Variants in SEZ6L2 observed in about 807,000 individuals in gnomAD.
SEZ6L2 encodes the protein seizure related 6 homolog like 2, also known as seizure 6-like protein 2.
A neutral mutation model predicts 97.0 loss-of-function variants in SEZ6L2; 44 were observed. The ratio of observed to expected loss-of-function variants is 0.45; its 90% CI spans 0.36 to 0.58. SEZ6L2 has a LOEUF of 0.58. Among genes scored for constraint, SEZ6L2 ranks in the 20% least tolerant of loss-of-function variants. The pLI is 0.00. For synonymous variants in SEZ6L2, 543 were observed against 546.1 expected (o/e 0.99, Z 0.08); for missense variants, 1,086 against 1,233.3 (o/e 0.88, Z 1.79).
In SEZ6L2 at chr16:29,873,546, T is replaced by C. The variant is rs1209403352; in HGVS notation, c.2288A>G (p.Lys763Arg). 1 of 1,614,026 alleles carries C rather than the reference T, an allele frequency of 6.2e-7. No homozygotes were observed. Among genetic ancestry groups the C allele is most frequent in the African/African-American group, 1.3e-5 (1 of 74,914 alleles). ...GTPKWSDRVP[K>R]CALKYEPCLN... is the part of the protein sequence containing the mutation. ...GTGTGCCCCAGACTCACAGGCGCAT[T>C]TGGGGACCCTATCGCTCCACTTGGG... Residue 763 changes from lysine (K) to arginine (R), a missense_variant, in exon 13 of 18, where the codon AAA becomes AGA. Lys to Arg is a conservative substitution (Grantham distance 26, BLOSUM62 2). Transcript: ENST00000617533. The surrounding 1 kb of genome is among the most constrained non-coding windows in gnomAD (Gnocchi z 4.3).
intron 8 of SEZ6L2, 93 bp from the exon 9 acceptor site, chr16:29,880,157 C>T (rs1156480345): frequency 1.7e-6 from 2 of 1,209,172 alleles, no homozygotes; most frequent in Non-Finnish European, 2.3e-6. Context: ...TGTTCTTTGG[C>T]CACTCACTGG....
chr16:29,872,846 C>G, intron 14 of SEZ6L2, 103 bp from the exon 15 acceptor site: 1 of 885,990 alleles, frequency 1.1e-6, no homozygotes, highest in Non-Finnish European at 1.7e-6. Context: ...GCCTGGTTCT[C>G]TCTGCCCTCT....
rs554921129 is a variant in SEZ6L2, at chr16:29,885,746, C to G, written c.1212G>C (p.Leu404=). 1 of 1,607,412 alleles carries G rather than the reference C, an allele frequency of 6.2e-7. No homozygotes were observed. The highest frequency in any genetic ancestry group is 2.2e-5 in the East Asian group (1 of 44,660). Reference sequence around the variant, plus strand: ...GGGGGCTGCCCCCTGAGCGCACCATCAGCCTGGGATGGACAGAAACGTGAC... The same window carrying G: ...GGGGGCTGCCCCCTGAGCGCACCATGAGCCTGGGATGGACAGAAACGTGAC... The part of the protein sequence containing the change: ...RVSLDEDNDR[L]MVRSGGSPLS... The change falls in exon 8 of 18, where the codon CTG becomes CTC. Residue 404 remains leucine, a synonymous_variant. Transcript: ENST00000617533.
Position 29,879,808 on chromosome 16 carries a change from C to T in SEZ6L2, c.1573+56G>A. On this transcript the variant is annotated intron_variant, in intron 9 of 17. Transcript: ENST00000617533. The stretch of plus-strand genomic sequence containing the variant: ...CTTTCTGAACGGCCTTGCTGGGATC[C>T]CCAGTTCAGGGGGCAACGTGGACTG... 4 of 1,482,002 alleles carry T rather than the reference C, an allele frequency of 2.7e-6. No individual in the cohort carries two copies. The East Asian group carries it at 9.2e-5, about 34-fold the overall frequency. 91.8% of individuals were successfully genotyped at this position (1,482,002 alleles called of 1,614,324 possible). A position where few individuals can be genotyped will look rare whatever the true frequency, so the allele number is the denominator to read the frequency against.
Position 29,872,184 on chromosome 16 carries a change from T to C in SEZ6L2, c.2742+3A>G. The C allele has an allele frequency of 6.3e-7, 1 of 1,595,104 alleles. No individual in the cohort carries two copies. ...GCTCTTCAGGGGCAGGCAAGGTGCTTACCCCAGCTTCATACAGCGGGTTGC... is the reference window on the plus strand; with the variant it reads ...GCTCTTCAGGGGCAGGCAAGGTGCTCACCCCAGCTTCATACAGCGGGTTGC... On this transcript the variant is annotated splice_donor_region_variant and intron_variant, in intron 17 of 17. Coordinates refer to ENST00000617533, the MANE Select transcript of SEZ6L2 (RefSeq NM_001243332.2).
intron 11 of SEZ6L2, 146 bp from the exon 12 acceptor site, chr16:29,877,096 G>T: frequency 9.4e-7 from 1 of 1,063,192 alleles, no homozygotes; most frequent in Non-Finnish European, 1.3e-6. Context: ...CCAGGCTGGA[G>T]TACAGTGGTA....
At position 29,876,266 on chromosome 16, in the gene SEZ6L2, T is replaced by A. The variant is rs1360148336; in HGVS notation, c.2104+490A>T. On this transcript the variant is annotated intron_variant, in intron 12 of 17. Coordinates refer to ENST00000617533, the MANE Select transcript of SEZ6L2 (RefSeq NM_001243332.2). The surrounding 1 kb of genome is among the most constrained non-coding windows in gnomAD (Gnocchi z 6.5). ...CAGCACGGGGCTTCAATGATGGCATTCAAATAAACCAAGTGCTCTGACAAG... is the reference window on the plus strand; with the variant it reads ...CAGCACGGGGCTTCAATGATGGCATACAAATAAACCAAGTGCTCTGACAAG... Among the ~76,000 whole-genome samples, 1 of 152,106 alleles carries A rather than the reference T, an allele frequency of 6.6e-6. No homozygotes were observed. Among genetic ancestry groups the A allele is most frequent in the Non-Finnish European group, 1.5e-5 (1 of 68,026 alleles).
Position 29,895,330 on chromosome 16 carries a change from G to A in SEZ6L2, c.782C>T (p.Thr261Ile), listed in dbSNP as rs1475608802. The A allele has an allele frequency of 6.2e-7, 1 of 1,614,050 alleles. No individual in the cohort carries two copies. The highest frequency in any genetic ancestry group is 8.5e-7 in the Non-Finnish European group (1 of 1,180,048). ...LGEGQVLRSP[T>I]NRLLLHFQSP... is the part of the protein sequence containing the mutation. ...CTGGAAGTGCAGAAGCAGCCGGTTGGTTGGGCTCCGAAGGACTTGTCCTTC... is the reference window on the plus strand; with the variant it reads ...CTGGAAGTGCAGAAGCAGCCGGTTGATTGGGCTCCGAAGGACTTGTCCTTC... Residue 261 changes from threonine (T) to isoleucine (I), a missense_variant, in exon 5 of 18, where the codon ACC (threonine) becomes ATC (isoleucine). By Grantham distance (89) the Thr-to-Ile change is moderately conservative. Transcript: ENST00000617533.
intron 12 of SEZ6L2, among the ~76,000 whole-genome samples, chr16:29,875,842 A>G (rs970856030): frequency 2.0e-5 from 3 of 151,474 alleles, no homozygotes; most frequent in Admixed American, 2.0e-4. Flanking sequence ...TTTTATTTTT[A>G]GTAGAGACGG....
chr16:29,888,749 G>A (rs1224877008), intron 5 of SEZ6L2, 24 bp from the exon 6 acceptor site: 2 of 1,591,598 alleles, frequency 1.3e-6, no homozygotes, highest in Non-Finnish European at 1.7e-6. Context: ...ACAGCGGGTA[G>A]CAGGGCTCAC....
In SEZ6L2 at chr16:29,876,760, T is replaced by C; in HGVS notation, c.2100A>G (p.Gln700=). ...ACGCGGGCGGGGCCGGCTCACTCTT[T>C]TGGCAGGCGGGCGGCGCGGCGCTCC... The part of the protein sequence containing the change: ...LSWSAAPPAC[Q]KIMTCADPGE... The change falls in exon 12 of 18, where the codon CAA becomes CAG. Residue 700 remains glutamine, a synonymous_variant. Transcript: ENST00000617533. This position sits in a 1 kb window ranked among gnomAD's most constrained non-coding sequence, Gnocchi z 6.5. 2 of 1,545,520 alleles carry C rather than the reference T, an allele frequency of 1.3e-6. No homozygotes were observed. Among genetic ancestry groups the C allele is most frequent in the Non-Finnish European group, 1.7e-6 (2 of 1,142,952 alleles).
Position 29,871,631 on chromosome 16 carries a change from C to G in SEZ6L2, c.*68G>C. The G allele has an allele frequency of 2.7e-6, 4 of 1,502,252 alleles. No homozygotes were observed. The South Asian group carries it at 4.7e-5, about 18-fold the overall frequency. The allele number at this position is 1,502,252 out of a possible 1,614,324, so 93.1% of individuals were successfully genotyped here. A position where few individuals can be genotyped will look rare whatever the true frequency, so the allele number is the denominator to read the frequency against. On this transcript the variant is annotated 3_prime_UTR_variant, in exon 18 of 18. Coordinates refer to ENST00000617533, the MANE Select transcript of SEZ6L2 (RefSeq NM_001243332.2). Reference sequence around the variant, plus strand: ...GCAGCCAGGAGGCAGAGACCGGGTCCCGTATTTCCCTCTGCCCGAATGAGG... The same window carrying G: ...GCAGCCAGGAGGCAGAGACCGGGTCGCGTATTTCCCTCTGCCCGAATGAGG...
rs1418287704 is a variant in SEZ6L2, at chr16:29,876,922, C to G, written c.1938G>C (p.Glu646Asp). The G allele has an allele frequency of 3.1e-6, 5 of 1,610,660 alleles. No individual in the cohort carries two copies. The highest frequency in any genetic ancestry group is 3.3e-5 in the Admixed American group (2 of 59,912). The change falls in exon 12 of 18, where the codon GAG (glutamate) becomes GAC (aspartate). Residue 646 changes from glutamate (E) to aspartate (D), a missense_variant. Glu to Asp is a conservative substitution (Grantham distance 45). Around this residue, in one of 2 missense-constraint regions of SEZ6L2, gnomAD observed 310 missense variants for 438.6 expected, o/e 0.71. Transcript: ENST00000617533. The surrounding 1 kb of genome is among the most constrained non-coding windows in gnomAD (Gnocchi z 6.5). ...KEVPRNDTCP[E>D]LPPPEWGWRT... ...TCCAGCCCCACTCCGGAGGTGGCAG[C>G]TCGGGGCACGTGTCGTTCCTCGGGA...
At position 29,895,413 on chromosome 16, in the gene SEZ6L2, A is replaced by C. The variant is rs757609069; in HGVS notation, c.699T>G (p.Ala233=). 6.2e-7 allele frequency: 1 copy of C among 1,614,122 alleles called. No individual in the cohort carries two copies. The highest frequency in any genetic ancestry group is 8.5e-7 in the Non-Finnish European group (1 of 1,180,024). The change falls in exon 5 of 18, where the codon GCT becomes GCG. Residue 233 remains alanine, a synonymous_variant. Transcript: ENST00000617533. ...LSQEEELLVL[A]GGGSPGLAPR... is the part of the protein sequence containing the mutation. ...GGGCCAGGCCTGGGGATCCCCCACC[A>C]GCCAGCACCAGGAGCTCCTCTTCCT... is the stretch of plus-strand genomic sequence containing the variant.
intron 5 of SEZ6L2, among the ~76,000 whole-genome samples, chr16:29,894,664 G>T (rs2068341220): frequency 1.3e-5 from 2 of 152,114 alleles, no homozygotes; most frequent in Non-Finnish European, 2.9e-5. Context: ...CACCTGGTTT[G>T]TTCATTCCTC....
intron 12 of SEZ6L2, among the ~76,000 whole-genome samples, chr16:29,874,816 C>A (rs1423549080): frequency 1.3e-5 from 2 of 152,016 alleles, no homozygotes; most frequent in Admixed American, 6.6e-5. Flanking sequence ...GGTGATCCAC[C>A]CACCTCAGCC....
chr16:29,883,014 C>A (rs2068060501), intron 8 of SEZ6L2, among the ~76,000 whole-genome samples: 2 of 152,212 alleles, frequency 1.3e-5, no homozygotes, highest in Admixed American at 6.6e-5. Context: ...CTCCCAGAAT[C>A]TATCCCGCAA....
In SEZ6L2 at chr16:29,876,102, C is replaced by T. The variant is rs979646240; in HGVS notation, c.2104+654G>A. Among the ~76,000 whole-genome samples the T allele has an allele frequency of 6.6e-6, 1 of 152,098 alleles. No homozygotes were observed. The highest frequency in any genetic ancestry group is 1.5e-5 in the Non-Finnish European group (1 of 68,038). On this transcript the variant is annotated intron_variant, in intron 12 of 17. Transcript: ENST00000617533. The surrounding 1 kb of genome is among the most constrained non-coding windows in gnomAD (Gnocchi z 6.5). ...CTTCACAACCTCAGTCCTACTTCGC[C>T]GATGGGGAAACCAAGCCTCAGAAAT...
intron 3 of SEZ6L2, 65 bp downstream of exon 3, chr16:29,896,757 T>C: frequency 1.4e-6 from 2 of 1,444,178 alleles, no homozygotes; most frequent in South Asian, 1.2e-5. Flanking sequence ...GCAGCCTCTC[T>C]CCCATCCATC....
Sources: allele counts gnomAD v4.1 joint callset (sites outside exome capture counted in the v4.1 genomes callset), GRCh38; gene constraint gnomAD v4.1.1; regional missense constraint gnomAD v4.1.1; non-coding constraint Gnocchi (gnomAD v3.1); transcripts MANE v1.5; gene names NCBI Gene and HGNC (gene_info 2026-07-23, HGNC 2026-07-21).